USP12: variants seen among roughly 807,000 people sequenced by gnomAD.
USP12 encodes ubiquitin carboxyl-terminal hydrolase 12.
Under a neutral mutation model 45.5 loss-of-function variants are expected in USP12, and 19 were observed. The observed-to-expected ratio is 0.42, with a 90% CI of 0.29 to 0.61. The LOEUF is 0.61. Ranked by LOEUF, USP12 falls within the 20% of genes least tolerant of loss-of-function variation. USP12 has a pLI of 0.22. For missense variants in USP12, 242 were observed against 447.7 expected, an observed-to-expected ratio of 0.54 and a Z score of 4.15; for synonymous variants, 149 against 148.8, an observed-to-expected ratio of 1.00 and a Z score of -0.01.
intron 3 of USP12, among the ~76,000 whole-genome samples, chr13:27,103,474 T>C (rs185515075): frequency 1.3e-5 from 2 of 151,922 alleles, no homozygotes; most frequent in East Asian, 1.9e-4. Flanking sequence ...GCAAAACTTA[T>C]GAGAAGATGG....
intron 2 of USP12, among the ~76,000 whole-genome samples, chr13:27,114,994 G>C (rs530202681): frequency 1.1e-4 from 16 of 152,134 alleles, no homozygotes; most frequent in Non-Finnish European, 2.1e-4. Flanking sequence ...TAGCTCTGCT[G>C]CATCTACTCT....
At chr13:27,083,929 A>G (rs1353117690) in intron 6 of USP12, among the ~76,000 whole-genome samples, 3 of 151,188 alleles carry the variant, frequency 2.0e-5, no homozygotes, top group Non-Finnish European at 1.5e-5. Context: ...CAATGGCGCA[A>G]TCTCGGCTCA....
intron 1 of USP12, among the ~76,000 whole-genome samples, chr13:27,126,588 C>T (rs866461999): frequency 6.6e-6 from 1 of 152,118 alleles, no homozygotes; most frequent in African/African-American, 2.4e-5. Flanking sequence ...GCCTTCAAAC[C>T]AGGAGGCTGC....
Position 27,068,646 on chromosome 13 carries a change from C to T in USP12, c.*637G>A, listed in dbSNP as rs1418448187. ...AATTATAATTACAAAGCCAGTCTTT[C>T]CCCTTGGGGAAACAAAAAGCCACTT... On this transcript the variant is annotated 3_prime_UTR_variant, in exon 9 of 9. Coordinates refer to ENST00000282344, the MANE Select transcript of USP12 (RefSeq NM_182488.4). 3 of 152,142 alleles carry T rather than the reference C, an allele frequency of 2.0e-5. No individual in the cohort carries two copies. Among genetic ancestry groups the T allele is most frequent in the Non-Finnish European group, 4.4e-5 (3 of 68,020 alleles). 9.4% of individuals were successfully genotyped at this position (152,142 alleles called of 1,614,324 possible).
intron 6 of USP12, among the ~76,000 whole-genome samples, chr13:27,076,903 A>T (rs1873514969): frequency 6.6e-6 from 1 of 152,212 alleles, no homozygotes; most frequent in Non-Finnish European, 1.5e-5. Context: ...TCACTCCTAG[A>T]AAGCAATCCA....
intron 6 of USP12, among the ~76,000 whole-genome samples, chr13:27,076,047 A>AAAAAAAAAAAAAAAAAAG (rs1873470253): frequency 6.6e-6 from 1 of 150,732 alleles, no homozygotes; most frequent in African/African-American, 2.4e-5. Flanking sequence ...AAAAAAAAAA[A>AAAAAAAAAAAAAAAAAAG]GAGTGGTAGA....
At chr13:27,113,308 A>G (rs953416701) in intron 2 of USP12, among the ~76,000 whole-genome samples, 1 of 152,136 alleles carries the variant, frequency 6.6e-6, no homozygotes, top group Non-Finnish European at 1.5e-5. Flanking sequence ...CAGACAAATA[A>G]AAAATAAAAA....
chr13:27,115,936 A>G (rs1332865926), intron 2 of USP12, among the ~76,000 whole-genome samples: 2 of 152,172 alleles, frequency 1.3e-5, no homozygotes, highest in East Asian at 3.8e-4. Context: ...ATTAATACTA[A>G]ATTTTGGCTA....
chr13:27,088,414 C>T (rs910295077), intron 6 of USP12, among the ~76,000 whole-genome samples: 1 of 54,354 alleles, frequency 1.8e-5, no homozygotes, highest in African/African-American at 6.0e-5. Flanking sequence ...GAGACTCCGT[C>T]TCAAAAAAAA....
rs11366017 is a variant in USP12, at chr13:27,114,769, T to TAAA, written c.129+1744_129+1746dup. Among the ~76,000 whole-genome samples the TAAA allele has an allele frequency of 8.2e-3, 1,173 of 142,754 alleles. 10 individuals are homozygous for TAAA. Among genetic ancestry groups the TAAA allele is most frequent in the African/African-American group, 0.028 (1,086 of 39,452 alleles). The allele number at this position is 142,754 out of a possible 152,430, so 93.7% of individuals were successfully genotyped here. A position where few individuals can be genotyped will look rare whatever the true frequency, so the allele number is the denominator to read the frequency against. On this transcript the variant is annotated intron_variant, in intron 2 of 8. Coordinates refer to ENST00000282344, the MANE Select transcript of USP12 (RefSeq NM_182488.4). The stretch of plus-strand genomic sequence containing the variant: ...TGGGTATTTTCCTCCTCTCCATTTT[T>TAAA]AAAAAAAAAAAAAAAACAAACTTGA...
chr13:27,071,296 CAA>C (rs1342307199), intron 7 of USP12, 147 bp from the exon 8 acceptor site: 4 of 615,846 alleles, frequency 6.5e-6, no homozygotes, highest in African/African-American at 5.7e-5. Context: ...CTATTCTTGC[CAA>C]AAGAGATAAA....
chr13:27,132,025 C>T (rs1593200173), intron 1 of USP12, among the ~76,000 whole-genome samples: 1 of 152,192 alleles, frequency 6.6e-6, no homozygotes, highest in Non-Finnish European at 1.5e-5. Context: ...ACTGGTTCTA[C>T]ATCTAAATCT....
Position 27,066,965 on chromosome 13 carries a change from T to G in USP12, c.*2318A>C, listed in dbSNP as rs974706204. The G allele has an allele frequency of 6.6e-6, 1 of 152,138 alleles. No individual in the cohort carries two copies. The highest frequency in any genetic ancestry group is 2.4e-5 in the African/African-American group (1 of 41,420). The allele number at this position is 152,138 out of a possible 1,614,324, so 9.4% of individuals were successfully genotyped here. ...ACATTTTACTTAGATCCAGCTGCATTAAGAAGAAAAAGTAAATGTAAAACT... is the reference window on the plus strand; with the variant it reads ...ACATTTTACTTAGATCCAGCTGCATGAAGAAGAAAAAGTAAATGTAAAACT... On this transcript the variant is annotated 3_prime_UTR_variant, in exon 9 of 9. Coordinates refer to ENST00000282344, the MANE Select transcript of USP12 (RefSeq NM_182488.4).
At chr13:27,164,930 T>C (rs1213731659) in intron 1 of USP12, among the ~76,000 whole-genome samples, 1 of 152,072 alleles carries the variant, frequency 6.6e-6, no homozygotes, top group Non-Finnish European at 1.5e-5. Flanking sequence ...CCCTAAAGGA[T>C]AGAGCATAAG....
intron 6 of USP12, among the ~76,000 whole-genome samples, chr13:27,083,989 C>T (rs1873884986): frequency 6.6e-6 from 1 of 151,640 alleles, no homozygotes; most frequent in Admixed American, 6.6e-5. Context: ...CTCAGCCTCC[C>T]AAGTAGCTGA....
chr13:27,126,078 A>G (rs893369640), intron 1 of USP12, among the ~76,000 whole-genome samples: 2 of 152,270 alleles, frequency 1.3e-5, no homozygotes, highest in Admixed American at 1.3e-4. Context: ...CAGCTTCTGC[A>G]GACGTAAACG....
At chr13:27,115,126 A>T (rs184528441) in intron 2 of USP12, among the ~76,000 whole-genome samples, 1 of 152,220 alleles carries the variant, frequency 6.6e-6, no homozygotes, top group East Asian at 1.9e-4. Context: ...CCAGAAGCTT[A>T]TATTTCTACT....
intron 2 of USP12, among the ~76,000 whole-genome samples, chr13:27,110,125 G>T: frequency 1.8e-4 from 1 of 5,422 alleles, no homozygotes; most frequent in African/African-American, 2.4e-4. Context: ...TCCTTTTCCA[G>T]GTAAAAAAAA....
At chr13:27,171,036 C>G (rs1451419593) in intron 1 of USP12, among the ~76,000 whole-genome samples, 1 of 152,186 alleles carries the variant, frequency 6.6e-6, no homozygotes, top group Non-Finnish European at 1.5e-5. Context: ...CTCTCCCAGG[C>G]GGGAATGAGC....
Sources: gnomAD v4.1 joint callset for allele counts (sites outside exome capture counted in the v4.1 genomes callset) on GRCh38, gnomAD v4.1.1 for gene constraint, MANE v1.5 for transcripts, NCBI Gene and HGNC (gene_info 2026-07-23, HGNC 2026-07-21) for gene names.